Variants in AATF observed in about 807,000 individuals in gnomAD.
AATF encodes apoptosis antagonizing transcription factor.
In AATF, 48 loss-of-function variants were observed where a neutral mutation model predicts 63.7. That is an observed-to-expected ratio of 0.75 (90% CI 0.60 to 0.96). The LOEUF (loss-of-function observed/expected upper bound fraction) is 0.96. Among genes scored for constraint, AATF ranks in the 40% least tolerant of loss-of-function variants. The pLI is 0.00. For synonymous variants in AATF, 258 were observed against 247.7 expected (o/e 1.04, Z -0.39); for missense variants, 639 against 685.7 (o/e 0.93, Z 0.76).
intron 4 of AATF, among the ~76,000 whole-genome samples, chr17:36,957,173 G>A (rs571063415): frequency 1.1e-4 from 17 of 152,208 alleles, no homozygotes; most frequent in African/African-American, 3.6e-4. Context: ...AAGTCAGACC[G>A]GCTTGGTTTA....
rs1158189647 is a variant in AATF at position 37,056,469 on chromosome 17, G to A, written c.1620-132G>A. ...TTGTATTTGTGAGTAAGAGCTGTGG[G>A]GTGCATTTTTAATTACATGGCTGTG... On this transcript the variant is annotated intron_variant, in intron 11 of 11. Coordinates refer to ENST00000619387, the MANE Select transcript of AATF (RefSeq NM_012138.4). The A allele has an allele frequency of 1.5e-5, 12 of 804,124 alleles. No homozygotes were observed. In the South Asian group the frequency reaches 2.0e-4, roughly 14 times the overall value. The allele number at this position is 804,124 out of a possible 1,614,324, so 49.8% of individuals were successfully genotyped here. A position where few individuals can be genotyped will look rare whatever the true frequency, so the allele number is the denominator to read the frequency against.
intron 3 of AATF, 143 bp downstream of exon 3, chr17:36,953,439 A>G (rs2070873449): frequency 7.1e-7 from 1 of 1,412,396 alleles, no homozygotes; most frequent in Non-Finnish European, 9.4e-7. Flanking sequence ...AGAAGCCTAA[A>G]GCCCTATTCC....
intron 4 of AATF, among the ~76,000 whole-genome samples, chr17:36,984,901 G>GT (rs34905004): frequency 0.14 from 17,686 of 130,008 alleles, 1,494 homozygotes; most frequent in Non-Finnish European, 0.17. Flanking sequence ...GCCTCCCACA[G>GT]TTTTTTTTTT....
chr17:37,021,435 C>A (rs914660031), intron 10 of AATF, among the ~76,000 whole-genome samples: 23 of 152,184 alleles, frequency 1.5e-4, no homozygotes, highest in African/African-American at 5.3e-4. Context: ...TCAAGACCAT[C>A]CTGGCCAACG....
intron 4 of AATF, among the ~76,000 whole-genome samples, chr17:36,954,136 C>G (rs1245062697): frequency 6.8e-6 from 1 of 147,938 alleles, no homozygotes; most frequent in Non-Finnish European, 1.5e-5. Context: ...GGCGCGATCA[C>G]AGGTTACTGC....
At chr17:37,031,580 A>G in intron 10 of AATF, 34 bp from the exon 11 acceptor site, 1 of 1,549,596 alleles carries the variant, frequency 6.5e-7, no homozygotes, top group Non-Finnish European at 8.9e-7. Context: ...AATAGTTACT[A>G]ATGTTGCTGC....
intron 4 of AATF, among the ~76,000 whole-genome samples, chr17:36,963,211 T>C (rs2070962915): frequency 6.6e-6 from 1 of 152,232 alleles, no homozygotes; most frequent in Non-Finnish European, 1.5e-5. Flanking sequence ...GCGTAGGGTA[T>C]GCATGAGATG....
At chr17:36,966,734 G>A (rs1194984540) in intron 4 of AATF, among the ~76,000 whole-genome samples, 1 of 152,096 alleles carries the variant, frequency 6.6e-6, no homozygotes, top group East Asian at 1.9e-4. Context: ...TCAACCAGAT[G>A]TTTTGTTTAT....
intron 4 of AATF, among the ~76,000 whole-genome samples, chr17:36,967,677 CA>C (rs2071001997): frequency 6.6e-6 from 1 of 152,166 alleles, no homozygotes; most frequent in Admixed American, 6.6e-5. Context: ...CACATCCTCT[CA>C]TAGCTTGCTG....
At chr17:37,028,363 G>T (rs1567989359) in intron 10 of AATF, among the ~76,000 whole-genome samples, 1 of 152,110 alleles carries the variant, frequency 6.6e-6, no homozygotes, top group Non-Finnish European at 1.5e-5. Context: ...GAGCCTGGGA[G>T]GTCAAGGCTG....
chr17:36,990,835 A>T lies in AATF; in HGVS notation c.1376A>T (p.Asp459Val), dbSNP rs754309759. ...AAGGACTTGGATGAAGAAATCTTTG[A>T]TGATGATGACTTTTACCACCAGGTG... ...HLKDLDEEIF[D>V]DDDFYHQLLR... Residue 459 changes from aspartate to valine, a missense_variant, in exon 8 of 12, where the codon GAT becomes GTT. Transcript: ENST00000619387. 6.9e-6 allele frequency: 11 copies of T among 1,590,658 alleles called. No homozygotes were observed. In the East Asian group the frequency reaches 2.5e-4, roughly 37 times the overall value.
At chr17:37,053,129 A>G (rs896224181) in intron 11 of AATF, among the ~76,000 whole-genome samples, 6 of 152,240 alleles carry the variant, frequency 3.9e-5, no homozygotes, top group African/African-American at 1.4e-4. Context: ...ATAGGAGTAG[A>G]ATTGATGCTG....
intron 1 of AATF, among the ~76,000 whole-genome samples, chr17:36,949,924 G>T (rs1469905164): frequency 6.6e-6 from 1 of 152,226 alleles, no homozygotes; most frequent in Non-Finnish European, 1.5e-5. Flanking sequence ...CGTGATGACT[G>T]ATTTAAGATA....
At chr17:37,037,217 A>G (rs992351242) in intron 11 of AATF, among the ~76,000 whole-genome samples, 4 of 149,878 alleles carry the variant, frequency 2.7e-5, no homozygotes, top group Non-Finnish European at 4.5e-5. Context: ...GGGTTTCACC[A>G]TGTTGGCCAG....
chr17:37,043,374 G>A (rs930779709), intron 11 of AATF: 1 of 152,148 alleles, frequency 6.6e-6, no homozygotes, highest in African/African-American at 2.4e-5. Context: ...TCTCACTGTT[G>A]TTTCCTGTTG....
chr17:36,996,260 C>T (rs771055964), intron 8 of AATF, among the ~76,000 whole-genome samples: 15 of 151,752 alleles, frequency 9.9e-5, no homozygotes, highest in Middle Eastern at 3.2e-3. Flanking sequence ...GGCGAAACTC[C>T]GTCTCTACAA....
intron 8 of AATF, among the ~76,000 whole-genome samples, chr17:36,995,523 T>C (rs182476382): frequency 6.6e-6 from 1 of 152,260 alleles, no homozygotes; most frequent in African/African-American, 2.4e-5. Context: ...AATGGTGATA[T>C]GATATTTTTT....
chr17:37,019,108 C>A (rs749503557), intron 9 of AATF, 36 bp downstream of exon 9: 30 of 1,557,272 alleles, frequency 1.9e-5, no homozygotes, highest in Non-Finnish European at 2.4e-5. Flanking sequence ...ATGCAAGCAG[C>A]CTATGTAATA....
chr17:37,023,819 G>A (rs2071491324), intron 10 of AATF, among the ~76,000 whole-genome samples: 1 of 151,906 alleles, frequency 6.6e-6, no homozygotes, highest in African/African-American at 2.4e-5. Context: ...TGGAGGATTG[G>A]TTCCAGGACG....
Sources: gnomAD v4.1 joint callset for allele counts (sites outside exome capture counted in the v4.1 genomes callset) on GRCh38, gnomAD v4.1.1 for gene constraint, MANE v1.5 for transcripts, NCBI Gene and HGNC (gene_info 2026-07-23, HGNC 2026-07-21) for gene names.